The following PTK2 variants were observed in gnomAD, a reference collection of about 807,000 sequenced individuals.
PTK2 encodes focal adhesion kinase 1.
Under a neutral mutation model 150.1 loss-of-function variants are expected in PTK2, and 45 were observed. The observed-to-expected ratio is 0.30, with a 90% CI of 0.24 to 0.38. The LOEUF is 0.38. Among genes scored for constraint, PTK2 ranks in the 10% least tolerant of loss-of-function variants. The pLI is 1.00. For synonymous variants in PTK2, 432 were observed against 449.2 expected (o/e 0.96, Z 0.48); for missense variants, 919 against 1,307.3 (o/e 0.70, Z 4.58).
chr8:140,842,955 C>T (rs547996252), intron 7 of PTK2, among the ~76,000 whole-genome samples: 1 of 152,168 alleles, frequency 6.6e-6, no homozygotes, highest in East Asian at 1.9e-4. Flanking sequence ...CTGTGTCTAG[C>T]TCTCCTGTTT....
intron 10 of PTK2, among the ~76,000 whole-genome samples, chr8:140,810,755 C>T (rs1166334253): frequency 6.6e-6 from 1 of 152,220 alleles, no homozygotes. Context: ...CAGCCCTGTC[C>T]CCACTGCCAG....
At chr8:140,684,813 A>C (rs886712009) in intron 27 of PTK2, among the ~76,000 whole-genome samples, 1 of 152,210 alleles carries the variant, frequency 6.6e-6, no homozygotes, top group African/African-American at 2.4e-5. Context: ...CCCAATGGTC[A>C]TACCGCCCAA....
chr8:140,723,627 A>G (rs2154317454), intron 22 of PTK2, among the ~76,000 whole-genome samples: 1 of 152,330 alleles, frequency 6.6e-6, no homozygotes, highest in Admixed American at 6.5e-5. Context: ...GTAGCAATAC[A>G]TTCCATCTGA....
intron 12 of PTK2, among the ~76,000 whole-genome samples, chr8:140,799,883 A>AAT (rs1379599890): frequency 1.3e-5 from 2 of 152,172 alleles, no homozygotes; most frequent in Non-Finnish European, 2.9e-5. Context: ...TCCTGCTGGG[A>AAT]ATATTTTCAT....
intron 1 of PTK2, among the ~76,000 whole-genome samples, chr8:140,965,751 C>T (rs552009056): frequency 6.6e-6 from 1 of 152,280 alleles, no homozygotes; most frequent in East Asian, 1.9e-4. Flanking sequence ...GTGGCACACA[C>T]CTGGAATCCC....
chr8:140,681,731 C>T (rs1178128205), intron 27 of PTK2, among the ~76,000 whole-genome samples: 8 of 152,110 alleles, frequency 5.3e-5, no homozygotes, highest in East Asian at 3.9e-4. Flanking sequence ...GAGCCGAGAT[C>T]GCGCCACTGC....
intron 10 of PTK2, among the ~76,000 whole-genome samples, chr8:140,810,382 C>T (rs1044144108): frequency 2.6e-5 from 4 of 152,202 alleles, no homozygotes; most frequent in Non-Finnish European, 5.9e-5. Context: ...GGGGGTTAGT[C>T]TGACCTGAGC....
chr8:140,861,886 C>T (rs2100136350), intron 5 of PTK2, among the ~76,000 whole-genome samples: 1 of 152,154 alleles, frequency 6.6e-6, no homozygotes, highest in Non-Finnish European at 1.5e-5. Flanking sequence ...ACCACTCTGA[C>T]TGGATGGCAG....
intron 1 of PTK2, among the ~76,000 whole-genome samples, chr8:140,992,085 A>G (rs1192253041): frequency 5.3e-5 from 8 of 152,106 alleles, no homozygotes; most frequent in Admixed American, 5.2e-4. Flanking sequence ...TGAGGTCAGG[A>G]GTTTGAGACC....
chr8:140,784,446 C>T (rs188561265), intron 14 of PTK2, among the ~76,000 whole-genome samples: 61 of 152,002 alleles, frequency 4.0e-4, no homozygotes, highest in Non-Finnish European at 1.3e-4. Context: ...GAAAAAAAAA[C>T]CCAAACACAA....
chr8:140,986,317 A>G (rs933154669), intron 1 of PTK2, among the ~76,000 whole-genome samples: 5 of 152,250 alleles, frequency 3.3e-5, no homozygotes, highest in African/African-American at 1.2e-4. Flanking sequence ...GTGAAATAAA[A>G]AAGAACGCGT....
Position 140,793,348 on chromosome 8 carries a change from A to T in PTK2, c.1124+6T>A. 1 of 1,608,648 alleles carries T rather than the reference A, an allele frequency of 6.2e-7. No homozygotes were observed. Among genetic ancestry groups the T allele is most frequent in the Non-Finnish European group, 8.5e-7 (1 of 1,178,420 alleles). ...AAAATAACAGTACAAAAAAAGCAGTACTTACTTTGGTATTGATGGCAAAGC... is the reference window on the plus strand; with the variant it reads ...AAAATAACAGTACAAAAAAAGCAGTTCTTACTTTGGTATTGATGGCAAAGC... On this transcript the variant is annotated splice_donor_region_variant and intron_variant, in intron 13 of 31. Coordinates refer to ENST00000522684, the Ensembl canonical transcript of PTK2.
intron 22 of PTK2, among the ~76,000 whole-genome samples, chr8:140,721,081 T>A (rs193078508): frequency 1.3e-3 from 202 of 152,080 alleles, no homozygotes; most frequent in Middle Eastern, 6.8e-3. Flanking sequence ...CTTTATTTTT[T>A]TTTTTTTAAA....
intron 1 of PTK2, among the ~76,000 whole-genome samples, chr8:140,952,147 A>C (rs1222525592): frequency 1.3e-5 from 2 of 152,238 alleles, no homozygotes; most frequent in African/African-American, 4.8e-5. Flanking sequence ...CTAAGAAAAG[A>C]GAACTTATTT....
chr8:140,951,425 A>AC, intron 1 of PTK2, among the ~76,000 whole-genome samples: 1 of 152,338 alleles, frequency 6.6e-6, no homozygotes, highest in East Asian at 1.9e-4. Context: ...AATTCAATGG[A>AC]TTGGAAGCCA....
At chr8:140,873,381 CTATGT>C (rs1421032537) in intron 4 of PTK2, among the ~76,000 whole-genome samples, 2 of 152,152 alleles carry the variant, frequency 1.3e-5, no homozygotes, top group Non-Finnish European at 2.9e-5. Context: ...ACAGTGCCTT[CTATGT>C]TAATTGGCCA....
intron 22 of PTK2, among the ~76,000 whole-genome samples, chr8:140,733,422 A>G (rs538019727): frequency 4.6e-5 from 7 of 152,236 alleles, no homozygotes; most frequent in African/African-American, 1.7e-4. Context: ...AAAATGGGAG[A>G]AAATAAGAGG....
At chr8:140,823,422 T>G (rs1160639011) in intron 8 of PTK2, among the ~76,000 whole-genome samples, 1 of 152,108 alleles carries the variant, frequency 6.6e-6, no homozygotes, top group African/African-American at 2.4e-5. Flanking sequence ...ACCTAAAACA[T>G]TCTATGAAGT....
At chr8:140,994,451 T>C (rs1296429868) in intron 1 of PTK2, among the ~76,000 whole-genome samples, 10 of 152,266 alleles carry the variant, frequency 6.6e-5, no homozygotes, top group Non-Finnish European at 1.0e-4. Context: ...ATTTTGGTAA[T>C]TCTCACAATA....
Sources: gnomAD v4.1 joint callset for allele counts (sites outside exome capture counted in the v4.1 genomes callset) on GRCh38, gnomAD v4.1.1 for gene constraint, MANE v1.5 for transcripts, NCBI Gene and HGNC (gene_info 2026-07-23, HGNC 2026-07-21) for gene names.